XYLT1: variants seen among roughly 807,000 people sequenced by gnomAD.
XYLT1 encodes the protein beta-D-xylosyltransferase 1.
In XYLT1, 36 loss-of-function variants were observed where a neutral mutation model predicts 91.3. That is an observed-to-expected ratio of 0.39 (90% CI 0.30 to 0.52). The LOEUF (loss-of-function observed/expected upper bound fraction) is 0.52, where lower values mean the gene tolerates loss of function less well. XYLT1 is among the 20% of genes least tolerant of loss of function. The pLI is 0.68. For synonymous variants in XYLT1, 588 were observed against 532.0 expected (o/e 1.11, Z -1.45); for missense variants, 1,242 against 1,284.5 (o/e 0.97, Z 0.51).
chr16:17,316,009 C>T (rs2034625194), intron 2 of XYLT1, among the ~76,000 whole-genome samples: 1 of 152,162 alleles, frequency 6.6e-6, no homozygotes, highest in Non-Finnish European at 1.5e-5. Flanking sequence ...GCACCTGGGT[C>T]AGATCCCAAC....
intron 11 of XYLT1, among the ~76,000 whole-genome samples, chr16:17,109,696 G>A (rs1966827783): frequency 6.6e-6 from 1 of 152,196 alleles, no homozygotes; most frequent in African/African-American, 2.4e-5. Flanking sequence ...TGCTACCAGA[G>A]CTGAGTATTT....
intron 6 of XYLT1, among the ~76,000 whole-genome samples, chr16:17,156,992 G>A (rs962853025): frequency 6.6e-6 from 1 of 151,470 alleles, no homozygotes; most frequent in African/African-American, 2.4e-5. Flanking sequence ...CTGTCACCCA[G>A]GCTGGAGTGC....
intron 2 of XYLT1, among the ~76,000 whole-genome samples, chr16:17,357,158 C>G (rs1305269720): frequency 1.8e-5 from 2 of 110,186 alleles, no homozygotes; most frequent in South Asian, 3.3e-4. Context: ...GCCTGGGCAA[C>G]AGAGACTCGG....
At chr16:17,195,606 C>T (rs534144530) in intron 5 of XYLT1, among the ~76,000 whole-genome samples, 16 of 152,100 alleles carry the variant, frequency 1.1e-4, no homozygotes, top group East Asian at 7.8e-4. Flanking sequence ...CCACCATGCC[C>T]GGCTCATTTT....
chr16:17,117,639 T>A lies in XYLT1; in HGVS notation c.2557+7A>T. On this transcript the variant is annotated splice_region_variant and intron_variant, in intron 11 of 11. Coordinates refer to ENST00000261381, the MANE Select transcript of XYLT1 (RefSeq NM_022166.4). ...ATTTCTCCCACATAGACACTGGGAG[T>A]ACTTACCAGGTTTGATGGGCTGCCT... 1 of 1,607,420 alleles carries A rather than the reference T, an allele frequency of 6.2e-7. No individual in the cohort carries two copies. Among genetic ancestry groups the A allele is most frequent in the South Asian group, 1.1e-5 (1 of 90,606 alleles).
intron 5 of XYLT1, among the ~76,000 whole-genome samples, chr16:17,160,875 C>T (rs1320826564): frequency 6.6e-6 from 1 of 152,166 alleles, no homozygotes; most frequent in Non-Finnish European, 1.5e-5. Flanking sequence ...TGTTTCTCTC[C>T]AAACCATAAA....
At chr16:17,395,752 A>G (rs899570512) in intron 1 of XYLT1, among the ~76,000 whole-genome samples, 1 of 152,258 alleles carries the variant, frequency 6.6e-6, no homozygotes, top group Non-Finnish European at 1.5e-5. Flanking sequence ...TCCTTTAAAT[A>G]CAGTGAAATC....
chr16:17,294,694 C>T (rs897364246), intron 2 of XYLT1, among the ~76,000 whole-genome samples: 2 of 152,098 alleles, frequency 1.3e-5, no homozygotes, highest in African/African-American at 4.8e-5. Flanking sequence ...TATCTTTCCC[C>T]CACCTAGGAA....
chr16:17,437,584 G>A lies in XYLT1; in HGVS notation c.363+32850C>T, dbSNP rs564474495. Among the ~76,000 whole-genome samples the A allele has an allele frequency of 4.5e-4, 68 of 152,190 alleles. 1 individual carries two copies. The South Asian group carries it at 0.014, about 30-fold the overall frequency. ...CTCAGAGTTACATGTCTCTTGAAAC[G>A]CCACCCTGCACAGCTATCACCTGGT... On this transcript the variant is annotated intron_variant, in intron 1 of 11. Coordinates refer to ENST00000261381, the MANE Select transcript of XYLT1 (RefSeq NM_022166.4).
intron 1 of XYLT1, among the ~76,000 whole-genome samples, chr16:17,461,661 T>C (rs536896434): frequency 3.9e-5 from 6 of 152,012 alleles, no homozygotes; most frequent in East Asian, 1.9e-4. Context: ...GATGGATGGA[T>C]GGATGGATGG....
At chr16:17,315,699 C>G (rs886465234) in intron 2 of XYLT1, among the ~76,000 whole-genome samples, 1 of 152,152 alleles carries the variant, frequency 6.6e-6, no homozygotes, top group East Asian at 1.9e-4. Flanking sequence ...GAGGCAGACA[C>G]AGAATTAGCT....
chr16:17,124,309 G>A (rs990628833), intron 10 of XYLT1, among the ~76,000 whole-genome samples: 1 of 152,192 alleles, frequency 6.6e-6, no homozygotes, highest in Admixed American at 6.5e-5. Context: ...AGTTCTTGTA[G>A]TGCTGGCTTG....
At chr16:17,349,934 T>C (rs2035196927) in intron 2 of XYLT1, among the ~76,000 whole-genome samples, 1 of 151,906 alleles carries the variant, frequency 6.6e-6, no homozygotes, top group Non-Finnish European at 1.5e-5. Flanking sequence ...AGTGCAGTGG[T>C]GCAATCTCAG....
chr16:17,271,367 C>G (rs565134067), intron 2 of XYLT1, among the ~76,000 whole-genome samples: 174 of 150,898 alleles, frequency 1.2e-3, no homozygotes, highest in African/African-American at 3.6e-3. Flanking sequence ...GAGAGAGACA[C>G]AGAGAGACAA....
chr16:17,305,355 A>G (rs1205319068), intron 2 of XYLT1, among the ~76,000 whole-genome samples: 1 of 151,802 alleles, frequency 6.6e-6, no homozygotes, highest in Non-Finnish European at 1.5e-5. Flanking sequence ...GTTTGTGTGT[A>G]TGTGTGTGCA....
At chr16:17,267,652 G>A (rs901428390) in intron 2 of XYLT1, among the ~76,000 whole-genome samples, 24 of 152,042 alleles carry the variant, frequency 1.6e-4, no homozygotes, top group Non-Finnish European at 2.1e-4. Flanking sequence ...CTCATGATCC[G>A]CCCGCCTCAG....
chr16:17,181,064 A>G (rs1232763827), intron 5 of XYLT1, among the ~76,000 whole-genome samples: 1 of 152,236 alleles, frequency 6.6e-6, no homozygotes, highest in Non-Finnish European at 1.5e-5. Flanking sequence ...GTTGCATTCA[A>G]AAAGTAACTG....
rs574064641 is a variant in XYLT1, at chr16:17,198,249, A to T, written c.1252T>A (p.Phe418Ile). The change falls in exon 5 of 12, where the codon TTC becomes ATC. Residue 418 changes from phenylalanine (F) to isoleucine (I), a missense_variant. Phe to Ile is a conservative substitution (Grantham distance 21). Transcript: ENST00000261381. ...LLEMTDWPWD[F>I]FINLSAADYP... is the part of the protein sequence containing the mutation. The stretch of plus-strand genomic sequence containing the variant: ...TCGGCCGCACTCAGGTTGATGAAGA[A>T]GTCCCAGGGCCAGTCGGTCATCTCC... 32 of 1,614,196 alleles carry T rather than the reference A, an allele frequency of 2.0e-5. No individual in the cohort carries two copies. The African/African-American group carries it at 3.9e-4, about 19-fold the overall frequency.
At chr16:17,397,996 T>C (rs2035911804) in intron 1 of XYLT1, among the ~76,000 whole-genome samples, 1 of 152,068 alleles carries the variant, frequency 6.6e-6, no homozygotes, top group Non-Finnish European at 1.5e-5. Context: ...CTAATTTTTG[T>C]ATTATTAGTA....
Sources: gnomAD v4.1 joint callset for allele counts (sites outside exome capture counted in the v4.1 genomes callset) on GRCh38, gnomAD v4.1.1 for gene constraint, MANE v1.5 for transcripts, NCBI Gene and HGNC (gene_info 2026-07-23, HGNC 2026-07-21) for gene names.